Variants in SPEN observed in about 807,000 individuals in gnomAD.
SPEN encodes spen family transcriptional repressor.
In SPEN, 18 loss-of-function variants were observed where a neutral mutation model predicts 269.9. The ratio of observed to expected loss-of-function variants is 0.07; its 90% CI spans 0.05 to 0.10. The LOEUF is 0.10. SPEN is among the 10% of genes least tolerant of loss of function. SPEN has a pLI of 1.00. For synonymous variants in SPEN, 1,726 were observed against 1,765.7 expected, an observed-to-expected ratio of 0.98 and a Z score of 0.56; for missense variants, 3,822 against 4,631.2, an observed-to-expected ratio of 0.83 and a Z score of 5.07.
intron 1 of SPEN, among the ~76,000 whole-genome samples, chr1:15,871,661 ATT>A (rs1240369452): frequency 6.6e-6 from 1 of 152,212 alleles, no homozygotes; most frequent in Non-Finnish European, 1.5e-5. Flanking sequence ...GAGAAAGAAA[ATT>A]AAGTAGCAAA....
intron 3 of SPEN, among the ~76,000 whole-genome samples, chr1:15,900,338 T>A (rs756218225): frequency 1.3e-5 from 2 of 152,198 alleles, no homozygotes; most frequent in Non-Finnish European, 2.9e-5. Flanking sequence ...GCTGTTGCGG[T>A]AAAAACCATT....
chr1:15,929,385 T>A lies in SPEN; in HGVS notation c.3145T>A (p.Ser1049Thr), dbSNP rs376717823. 1.2e-6 allele frequency: 2 copies of A among 1,612,450 alleles called. No homozygotes were observed. Among genetic ancestry groups the A allele is most frequent in the African/African-American group, 2.7e-5 (2 of 74,694 alleles). Residue 1049 changes from serine (S) to threonine (T), a missense_variant, in exon 11 of 15, where the codon TCT (serine) becomes ACT (threonine). Ser to Thr is a moderately conservative substitution (Grantham distance 58, BLOSUM62 1). This residue lies in a region of SPEN where 572 missense variants were observed against 582.6 expected (regional missense o/e 0.98). Coordinates refer to ENST00000375759, the MANE Select transcript of SPEN (RefSeq NM_015001.3). This position sits in a 1 kb window ranked among gnomAD's most constrained non-coding sequence, Gnocchi z 5.8. ...PVRKEILKRE[S>T]KKIKLDRLNT... ...GAGGAAAGAAATTCTTAAAAGAGAATCTAAAAAAATCAAACTGGACAGACT... is the reference window on the plus strand; with the variant it reads ...GAGGAAAGAAATTCTTAAAAGAGAAACTAAAAAAATCAAACTGGACAGACT...
rs757521682 is a variant in SPEN, at chr1:15,922,372, T to C, written c.1850+23T>C. 9.2e-6 allele frequency: 14 copies of C among 1,517,032 alleles called. No homozygotes were observed. In the Middle Eastern group the frequency reaches 5.1e-4, roughly 56 times the overall value. The allele number at this position is 1,517,032 out of a possible 1,614,324, so 94.0% of individuals were successfully genotyped here. A position where few individuals can be genotyped will look rare whatever the true frequency, so the allele number is the denominator to read the frequency against. On this transcript the variant is annotated intron_variant, in intron 10 of 14. Coordinates refer to ENST00000375759, the MANE Select transcript of SPEN (RefSeq NM_015001.3). ...AAGGTATGTATTTTAAACTTACCAG[T>C]GTAGCTTGAGTTTTAATAGTTTTAA...
chr1:15,937,725 GA>G lies in SPEN; in HGVS notation c.10509+81del. On this transcript the variant is annotated intron_variant, in intron 12 of 14. Coordinates refer to ENST00000375759, the MANE Select transcript of SPEN (RefSeq NM_015001.3). This position sits in a 1 kb window ranked among gnomAD's most constrained non-coding sequence, Gnocchi z 5.7. ...ATGTCCTAAGATTCCCTAGTTAACA[GA>G]CCCACAAGCTACAGCCTCTGGCTGT... The G allele has an allele frequency of 6.2e-7, 1 of 1,606,582 alleles. No individual in the cohort carries two copies. Among genetic ancestry groups the G allele is most frequent in the Non-Finnish European group, 8.5e-7 (1 of 1,175,586 alleles).
At chr1:15,900,084 G>A (rs2070885812) in intron 3 of SPEN, among the ~76,000 whole-genome samples, 1 of 152,038 alleles carries the variant, frequency 6.6e-6, no homozygotes, top group African/African-American at 2.4e-5. Context: ...GACCTCAGGC[G>A]GTCCACCGTC....
Position 15,929,564 on chromosome 1 carries a change from C to T in SPEN, c.3324C>T (p.Pro1108=), listed in dbSNP as rs1380920449. The change falls in exon 11 of 15, where the codon CCC becomes CCT. Residue 1108 remains proline, a synonymous_variant. Coordinates refer to ENST00000375759, the MANE Select transcript of SPEN (RefSeq NM_015001.3). The surrounding 1 kb of genome is among the most constrained non-coding windows in gnomAD (Gnocchi z 5.8). ...NQEVQSKKPI[P]SKPQLKQLQV... ...AAGTCCAATCAAAAAAGCCCATTCC[C>T]TCAAAACCACAGCTCAAACAGCTGC... 3.7e-6 allele frequency: 6 copies of T among 1,614,006 alleles called. No homozygotes were observed. The highest frequency in any genetic ancestry group is 5.1e-6 in the Non-Finnish European group (6 of 1,179,964).
Position 15,931,599 on chromosome 1 carries a change from G to A in SPEN, c.5359G>A (p.Ala1787Thr). ...CGCCACTGCAGATGCTGAGCCTGAT[G>A]CAAACCAGAAAGCCGAAGCTGCTCC... ...PDATADAEPD[A>T]NQKAEAAPES... Residue 1787 changes from alanine to threonine, a missense_variant, in exon 11 of 15, where the codon GCA becomes ACA. By Grantham distance (58) the Ala-to-Thr change is moderately conservative. This residue lies in a region of SPEN where 533 missense variants were observed against 618.8 expected (regional missense o/e 0.86). Coordinates refer to ENST00000375759, the MANE Select transcript of SPEN (RefSeq NM_015001.3). The surrounding 1 kb of genome is among the most constrained non-coding windows in gnomAD (Gnocchi z 4.8). 1 of 1,614,114 alleles carries A rather than the reference G, an allele frequency of 6.2e-7. No homozygotes were observed. Among genetic ancestry groups the A allele is most frequent in the East Asian group, 2.2e-5 (1 of 44,886 alleles).
intron 3 of SPEN, among the ~76,000 whole-genome samples, chr1:15,884,887 A>G (rs1466554881): frequency 3.3e-5 from 5 of 151,900 alleles, no homozygotes; most frequent in Non-Finnish European, 7.4e-5. Context: ...TTGTGCCACC[A>G]GCTAATTTTT....
chr1:15,883,775 CT>C (rs892338385), intron 3 of SPEN, among the ~76,000 whole-genome samples: 2 of 139,044 alleles, frequency 1.4e-5, no homozygotes, highest in Admixed American at 1.4e-4. Context: ...AACCCTATTA[CT>C]TTTTTTCCTA....
intron 3 of SPEN, among the ~76,000 whole-genome samples, chr1:15,886,720 C>T (rs947238166): frequency 2.6e-5 from 4 of 152,192 alleles, no homozygotes; most frequent in Non-Finnish European, 5.9e-5. Context: ...TTCTGCACTG[C>T]CAGTGCTTGG....
At chr1:15,860,852 G>A (rs935080945) in intron 1 of SPEN, among the ~76,000 whole-genome samples, 14 of 151,684 alleles carry the variant, frequency 9.2e-5, no homozygotes, top group Non-Finnish European at 1.8e-4. Flanking sequence ...CGCCTGCCTC[G>A]GCCTCCCAAA....
Position 15,932,855 on chromosome 1 carries a change from G to A in SPEN, c.6615G>A (p.Lys2205=). ...GCCTTGCCCCAGAGGACAGGGACAA[G>A]CCTGCACACCAAGCAAGTGAAACAG... The part of the protein sequence containing the change: ...PEGLAPEDRD[K]PAHQASETEL... The change falls in exon 11 of 15, where the codon AAG becomes AAA. Residue 2205 remains lysine, a synonymous_variant. Transcript: ENST00000375759. This position sits in a 1 kb window ranked among gnomAD's most constrained non-coding sequence, Gnocchi z 4.2. The A allele has an allele frequency of 6.2e-7, 1 of 1,614,220 alleles. No homozygotes were observed. The highest frequency in any genetic ancestry group is 8.5e-7 in the Non-Finnish European group (1 of 1,180,030).
chr1:15,934,471 G>A lies in SPEN; in HGVS notation c.8231G>A (p.Gly2744Asp). The change falls in exon 11 of 15, where the codon GGT becomes GAT. Residue 2744 changes from glycine to aspartate, a missense_variant. Around this residue, in one of 16 missense-constraint regions of SPEN, gnomAD observed 329 missense variants for 431.2 expected, o/e 0.76. Coordinates refer to ENST00000375759, the MANE Select transcript of SPEN (RefSeq NM_015001.3). This position sits in a 1 kb window ranked among gnomAD's most constrained non-coding sequence, Gnocchi z 9.2. Reference protein sequence around the residue: ...ATASAVTVTAGAVTAASGGVT... With the variant: ...ATASAVTVTADAVTAASGGVT... ...GCAAGTGCAGTGACCGTCACAGCGG[G>A]TGCGGTTACTGCTGCATCTGGTGGT... 1 of 1,614,078 alleles carries A rather than the reference G, an allele frequency of 6.2e-7. No individual in the cohort carries two copies. The highest frequency in any genetic ancestry group is 1.3e-5 in the African/African-American group (1 of 75,068).
At chr1:15,884,545 T>C (rs921643455) in intron 3 of SPEN, among the ~76,000 whole-genome samples, 4 of 152,142 alleles carry the variant, frequency 2.6e-5, no homozygotes, top group African/African-American at 7.2e-5. Context: ...CTCTCTCTCT[T>C]TTTTTAAAAA....
rs188648688 is a variant in SPEN, at chr1:15,889,129, A to G, written c.881+12451A>G. 3.0e-4 allele frequency among the ~76,000 whole-genome samples: 46 copies of G among 151,756 alleles called. No individual in the cohort carries two copies. In the East Asian group the frequency reaches 7.2e-3, roughly 24 times the overall value. ...AAAATGTAGGAATTCTCATTTTAAA[A>G]TAAACATTAGCATTTTCTTTCTTTC... is the stretch of plus-strand genomic sequence containing the variant. On this transcript the variant is annotated intron_variant, in intron 3 of 14. Transcript: ENST00000375759.
chr1:15,925,388 C>A (rs1215196165), intron 10 of SPEN, among the ~76,000 whole-genome samples: 1 of 152,128 alleles, frequency 6.6e-6, no homozygotes, highest in African/African-American at 2.4e-5. Flanking sequence ...TCAGAGTCCC[C>A]GTACATGGTC....
chr1:15,914,402 A>G (rs2071037968), intron 5 of SPEN, among the ~76,000 whole-genome samples: 1 of 152,248 alleles, frequency 6.6e-6, no homozygotes, highest in Non-Finnish European at 1.5e-5. Context: ...AAGAAAAAAG[A>G]ACACACAGTA....
At position 15,930,263 on chromosome 1, in the gene SPEN, C is replaced by A. The variant is rs149612977; in HGVS notation, c.4023C>A (p.Asp1341Glu). Residue 1341 changes from aspartate to glutamate, a missense_variant, in exon 11 of 15, where the codon GAC becomes GAA. By Grantham distance (45) the Asp-to-Glu change is conservative. Around this residue, in one of 16 missense-constraint regions of SPEN, gnomAD observed 267 missense variants for 315.5 expected, o/e 0.85. Transcript: ENST00000375759. This position sits in a 1 kb window ranked among gnomAD's most constrained non-coding sequence, Gnocchi z 5.3. Reference protein sequence around the residue: ...LNSEDELNRWDSQMKQDAGRF... With the variant: ...LNSEDELNRWESQMKQDAGRF... ...CTGAAGATGAACTAAATCGTTGGGACTCTCAGATGAAACAGGATGCTGGCA... is the reference window on the plus strand; with the variant it reads ...CTGAAGATGAACTAAATCGTTGGGAATCTCAGATGAAACAGGATGCTGGCA... 1 of 1,614,030 alleles carries A rather than the reference C, an allele frequency of 6.2e-7. No individual in the cohort carries two copies. The highest frequency in any genetic ancestry group is 1.3e-5 in the African/African-American group (1 of 74,914).
chr1:15,934,325 G>T lies in SPEN; in HGVS notation c.8085G>T (p.Gly2695=). Residue 2695 remains glycine, a synonymous_variant, in exon 11 of 15, where the codon GGG becomes GGT. Transcript: ENST00000375759. This position sits in a 1 kb window ranked among gnomAD's most constrained non-coding sequence, Gnocchi z 9.2. ...CTGGGCCCGTGAACGTCCTGAAAGG[G>T]CCTGTGAATGTTCTTACGGGGCCAG... ...TPAGPVNVLK[G]PVNVLTGPVN... is the part of the protein sequence containing the mutation. 1.2e-6 allele frequency: 2 copies of T among 1,613,896 alleles called. No homozygotes were observed. The highest frequency in any genetic ancestry group is 1.7e-6 in the Non-Finnish European group (2 of 1,180,042).
Sources: allele counts gnomAD v4.1 joint callset (sites outside exome capture counted in the v4.1 genomes callset), GRCh38; gene constraint gnomAD v4.1.1; regional missense constraint gnomAD v4.1.1; non-coding constraint Gnocchi (gnomAD v3.1); transcripts MANE v1.5; gene names NCBI Gene and HGNC (gene_info 2026-07-23, HGNC 2026-07-21).